The following ILDR2 variants were observed in gnomAD, a reference collection of about 807,000 sequenced individuals.
ILDR2 encodes immunoglobulin like domain containing receptor 2, also known as immunoglobulin-like domain-containing receptor 2.
A neutral mutation model predicts 66.8 loss-of-function variants in ILDR2; 25 were observed. The ratio of observed to expected loss-of-function variants is 0.37; its 90% CI spans 0.27 to 0.52. The LOEUF (loss-of-function observed/expected upper bound fraction) is 0.52. Among genes scored for constraint, ILDR2 ranks in the 20% least tolerant of loss-of-function variants. The pLI is 0.88. For missense variants in ILDR2, 827 were observed against 876.8 expected, an observed-to-expected ratio of 0.94 and a Z score of 0.72; for synonymous variants, 367 against 357.2, an observed-to-expected ratio of 1.03 and a Z score of -0.31.
At chr1:166,961,974 G>C (rs947014401) in intron 1 of ILDR2, among the ~76,000 whole-genome samples, 7 of 152,166 alleles carry the variant, frequency 4.6e-5, no homozygotes, top group Non-Finnish European at 8.8e-5. Context: ...ATGTATACAT[G>C]TACAGGCACA....
In ILDR2 at chr1:166,916,801, T is replaced by A. The variant is rs1261608017; in HGVS notation, c.*2554A>T. 6.6e-6 allele frequency: 1 copy of A among 152,258 alleles called. No homozygotes were observed. The highest frequency in any genetic ancestry group is 2.4e-5 in the African/African-American group (1 of 41,456). 9.4% of individuals were successfully genotyped at this position (152,258 alleles called of 1,614,324 possible). On this transcript the variant is annotated 3_prime_UTR_variant, in exon 10 of 10. Coordinates refer to ENST00000271417, the MANE Select transcript of ILDR2 (RefSeq NM_199351.3). ...TTTCAGTCTATCTGTAGTTTTGTTGTCTTTGGAATTGCAGGTTTCCAATTT... is the reference window on the plus strand; with the variant it reads ...TTTCAGTCTATCTGTAGTTTTGTTGACTTTGGAATTGCAGGTTTCCAATTT...
intron 1 of ILDR2, among the ~76,000 whole-genome samples, chr1:166,964,517 A>C (rs1662816649): frequency 1.3e-5 from 2 of 152,208 alleles, no homozygotes; most frequent in Admixed American, 1.3e-4. Context: ...AAAAATGTGG[A>C]ATGAATTAAT....
At chr1:166,970,823 C>G (rs1441567813) in intron 1 of ILDR2, among the ~76,000 whole-genome samples, 1 of 152,214 alleles carries the variant, frequency 6.6e-6, no homozygotes, top group African/African-American at 2.4e-5. Context: ...CAATGCCGAG[C>G]TGGGAGAGCT....
chr1:166,910,874 C>G lies in ILDR2; in HGVS notation c.*8481G>C, dbSNP rs1038264902. ...ATTATTTGTTTTGCCTAATTTTAATCCATCCTATGAGTCTAGTCCTTCCTT... is the reference window on the plus strand; with the variant it reads ...ATTATTTGTTTTGCCTAATTTTAATGCATCCTATGAGTCTAGTCCTTCCTT... On this transcript the variant is annotated 3_prime_UTR_variant, in exon 10 of 10. Transcript: ENST00000271417. The G allele has an allele frequency of 1.3e-5, 2 of 152,176 alleles. No individual in the cohort carries two copies. Among genetic ancestry groups the G allele is most frequent in the African/African-American group, 4.8e-5 (2 of 41,438 alleles). The allele number at this position is 152,176 out of a possible 1,614,324, so 9.4% of individuals were successfully genotyped here. A position where few individuals can be genotyped will look rare whatever the true frequency, so the allele number is the denominator to read the frequency against.
At chr1:166,967,254 G>A (rs915314309) in intron 1 of ILDR2, among the ~76,000 whole-genome samples, 19 of 152,276 alleles carry the variant, frequency 1.2e-4, no homozygotes, top group Middle Eastern at 3.4e-3. Flanking sequence ...GAGCAGTCTC[G>A]GAAGCTGCAT....
intron 2 of ILDR2, among the ~76,000 whole-genome samples, chr1:166,897,532 A>G (rs1215767426): frequency 2.0e-5 from 3 of 152,196 alleles, no homozygotes; most frequent in Non-Finnish European, 4.4e-5. Flanking sequence ...TGGAGTTTTG[A>G]GCCAAGTGAA....
intron 1 of ILDR2, among the ~76,000 whole-genome samples, chr1:166,967,046 T>G (rs989884772): frequency 2.0e-5 from 3 of 152,220 alleles, no homozygotes; most frequent in Non-Finnish European, 4.4e-5. Flanking sequence ...TAATAGAAAT[T>G]CCCAGGTTTA....
chr1:166,909,973 G>C lies in ILDR2; in HGVS notation c.*9382C>G, dbSNP rs893957557. Reference sequence around the variant, plus strand: ...AAAAGTAAAGTGTTTTAACATGTCTGGAATTTTCTCCTCTGCTTGGTTTTT... The same window carrying C: ...AAAAGTAAAGTGTTTTAACATGTCTCGAATTTTCTCCTCTGCTTGGTTTTT... On this transcript the variant is annotated 3_prime_UTR_variant, in exon 10 of 10. Coordinates refer to ENST00000271417, the MANE Select transcript of ILDR2 (RefSeq NM_199351.3). 1 of 151,478 alleles carries C rather than the reference G, an allele frequency of 6.6e-6. No individual in the cohort carries two copies. The highest frequency in any genetic ancestry group is 1.5e-5 in the Non-Finnish European group (1 of 67,942). 9.4% of individuals were successfully genotyped at this position (151,478 alleles called of 1,614,324 possible).
chr1:166,924,057 AG>A (rs1660125834), intron 7 of ILDR2, among the ~76,000 whole-genome samples: 1 of 152,148 alleles, frequency 6.6e-6, no homozygotes, highest in Non-Finnish European at 1.5e-5. Context: ...CACAAAGATG[AG>A]GGAGGGTCTC....
intron 4 of ILDR2, among the ~76,000 whole-genome samples, chr1:166,939,259 A>G (rs184936431): frequency 1.0e-3 from 152 of 152,330 alleles, no homozygotes; most frequent in African/African-American, 3.6e-3. Context: ...ATTGCCAAAG[A>G]GCCTGCATGC....
In ILDR2 at chr1:166,936,397, G is replaced by A. The variant is rs1250959376; in HGVS notation, c.703+194C>T. ...ATATGGATAAGAAGTGTGGAGAGGTGTATGTAGGTGAAAAGGCAAATGAGA... is the reference window on the plus strand; with the variant it reads ...ATATGGATAAGAAGTGTGGAGAGGTATATGTAGGTGAAAAGGCAAATGAGA... On this transcript the variant is annotated intron_variant, in intron 5 of 9. Coordinates refer to ENST00000271417, the MANE Select transcript of ILDR2 (RefSeq NM_199351.3). This position sits in a 1 kb window ranked among gnomAD's most constrained non-coding sequence, Gnocchi z 5.0. Among the ~76,000 whole-genome samples, 1 of 152,160 alleles carries A rather than the reference G, an allele frequency of 6.6e-6. No individual in the cohort carries two copies. The highest frequency in any genetic ancestry group is 1.5e-5 in the Non-Finnish European group (1 of 68,026).
chr1:166,924,530 A>C (rs1660159991), intron 7 of ILDR2, among the ~76,000 whole-genome samples: 1 of 152,252 alleles, frequency 6.6e-6, no homozygotes. Context: ...CATCTCACAG[A>C]CATCCACAAT....
chr1:166,967,263 A>G (rs1663009211), intron 1 of ILDR2, among the ~76,000 whole-genome samples: 2 of 152,172 alleles, frequency 1.3e-5, no homozygotes, highest in South Asian at 2.1e-4. Context: ...CGGAAGCTGC[A>G]TGTTGGAAAC....
At chr1:166,952,615 G>C (rs1415579418) in intron 3 of ILDR2, among the ~76,000 whole-genome samples, 1 of 152,112 alleles carries the variant, frequency 6.6e-6, no homozygotes, top group African/African-American at 2.4e-5. Context: ...ATGCTCAGTG[G>C]GAAGGAATGC....
intron 3 of ILDR2, among the ~76,000 whole-genome samples, chr1:166,948,607 A>T (rs1187231712): frequency 1.3e-5 from 2 of 152,224 alleles, no homozygotes; most frequent in African/African-American, 2.4e-5. Flanking sequence ...ACCCACTAGC[A>T]GGAAGATTTC....
chr1:166,945,446 A>T (rs1164997194), intron 3 of ILDR2, among the ~76,000 whole-genome samples: 2 of 152,346 alleles, frequency 1.3e-5, no homozygotes, highest in African/African-American at 4.8e-5. Flanking sequence ...TAACTTACCT[A>T]TCTTACCTAT....
intron 2 of ILDR2, among the ~76,000 whole-genome samples, chr1:166,902,364 T>C (rs575595998): frequency 1.3e-5 from 2 of 152,356 alleles, no homozygotes; most frequent in South Asian, 2.1e-4. Context: ...GGGTGTCATA[T>C]ACTGCCCTCT....
chr1:166,949,117 A>G (rs191987301), intron 3 of ILDR2, among the ~76,000 whole-genome samples: 5 of 152,238 alleles, frequency 3.3e-5, no homozygotes, highest in Non-Finnish European at 7.3e-5. Flanking sequence ...CACTATTTCT[A>G]TCTGGAGCCA....
At position 166,958,579 on chromosome 1, in the gene ILDR2, C is replaced by T. The variant is rs892128608; in HGVS notation, c.47-478G>A. ...CCTGTGGAACTGTGAGTCAATTAAA[C>T]CTCCTTTCTTCACAAATTACCCAGT... is the stretch of plus-strand genomic sequence containing the variant. On this transcript the variant is annotated intron_variant, in intron 1 of 9. Transcript: ENST00000271417. Among the ~76,000 whole-genome samples the T allele has an allele frequency of 6.6e-5, 10 of 152,282 alleles. 1 individual carries two copies. In the South Asian group the frequency reaches 1.5e-3, roughly 22 times the overall value.
Sources: allele counts gnomAD v4.1 joint callset (sites outside exome capture counted in the v4.1 genomes callset), GRCh38; gene constraint gnomAD v4.1.1; non-coding constraint Gnocchi (gnomAD v3.1); transcripts MANE v1.5; gene names NCBI Gene and HGNC (gene_info 2026-07-23, HGNC 2026-07-21).